The following DST variants were observed in gnomAD, a reference collection of about 807,000 sequenced individuals.
DST encodes the protein bullous pemphigoid antigen.
In DST, 253 loss-of-function variants were observed where a neutral mutation model predicts 875.2. The ratio of observed to expected loss-of-function variants is 0.29; its 90% confidence interval spans 0.26 to 0.32. The LOEUF is 0.32. DST is among the 10% of genes least tolerant of loss of function. The pLI is 1.00. For synonymous variants in DST, 3,124 were observed against 3,197.1 expected (o/e 0.98, Z 0.77); for missense variants, 8,287 against 9,111.6 (o/e 0.91, Z 3.68).
intron 100 of DST, 29 bp downstream of exon 100, chr6:56,464,655 AG>A: frequency 6.8e-7 from 1 of 1,464,928 alleles, no homozygotes; most frequent in Non-Finnish European, 9.4e-7. Context: ...AAAAGGAAAG[AG>A]GGGAGAGGCA....
chr6:56,814,517 G>A (rs930191660), intron 4 of DST, among the ~76,000 whole-genome samples: 4 of 152,140 alleles, frequency 2.6e-5, no homozygotes, highest in African/African-American at 9.7e-5. Flanking sequence ...CTCCTAATAA[G>A]TCTATGACAG....
At chr6:56,775,038 C>A (rs988086392) in intron 4 of DST, among the ~76,000 whole-genome samples, 15 of 150,932 alleles carry the variant, frequency 9.9e-5, no homozygotes, top group Admixed American at 3.3e-4. Flanking sequence ...TCCCTAACAT[C>A]CGGGAGTCTA....
chr6:56,662,233 T>TCAGAAG (rs2099046978), intron 10 of DST, among the ~76,000 whole-genome samples: 1 of 152,090 alleles, frequency 6.6e-6, no homozygotes, highest in African/African-American at 2.4e-5. Context: ...GGCAGACAAT[T>TCAGAAG]CAGAAGTACG....
At chr6:56,838,349 G>A (rs568293916) in intron 4 of DST, among the ~76,000 whole-genome samples, 3 of 152,180 alleles carry the variant, frequency 2.0e-5, no homozygotes, top group South Asian at 2.1e-4. Flanking sequence ...AAGATGCTTT[G>A]GTCAAATATT....
At chr6:56,619,679 G>C in intron 36 of DST, 1 of 1,613,886 alleles carries the variant, frequency 6.2e-7, no homozygotes, top group Non-Finnish European at 8.5e-7. Context: ...GGCTTCTTCA[G>C]CTTTACCTGT....
chr6:56,487,694 G>A (rs1225296520), intron 86 of DST, among the ~76,000 whole-genome samples: 1 of 152,122 alleles, frequency 6.6e-6, no homozygotes, highest in Non-Finnish European at 1.5e-5. Context: ...TTATAGAGCA[G>A]GGACATTGTC....
intron 2 of DST, among the ~76,000 whole-genome samples, chr6:56,912,602 C>T (rs1319029082): frequency 6.6e-6 from 1 of 151,734 alleles, no homozygotes; most frequent in Non-Finnish European, 1.5e-5. Flanking sequence ...ACCAAAACCT[C>T]AGGAGCTTAA....
intron 39 of DST, among the ~76,000 whole-genome samples, chr6:56,609,924 A>G (rs2098530606): frequency 6.6e-6 from 1 of 152,212 alleles, no homozygotes; most frequent in Non-Finnish European, 1.5e-5. Flanking sequence ...GTTGATATAC[A>G]CTGTCAAGTT....
At chr6:56,776,342 C>T (rs923346876) in intron 4 of DST, among the ~76,000 whole-genome samples, 6 of 151,970 alleles carry the variant, frequency 3.9e-5, no homozygotes, top group Non-Finnish European at 8.8e-5. Flanking sequence ...TGTGGTATCC[C>T]GGATAGGATG....
intron 4 of DST, among the ~76,000 whole-genome samples, chr6:56,759,649 G>T (rs1459685262): frequency 6.6e-6 from 1 of 152,038 alleles, no homozygotes; most frequent in Non-Finnish European, 1.5e-5. Context: ...TCAGTCATTT[G>T]CATGCTGCCA....
intron 47 of DST, 89 bp downstream of exon 47, chr6:56,597,651 G>A (rs2098404384): frequency 6.5e-6 from 9 of 1,374,406 alleles, no homozygotes; most frequent in Admixed American, 4.5e-5. Context: ...TGTCAGTAAG[G>A]TTTGAAAAGA....
At chr6:56,913,589 T>G (rs1017136335) in intron 2 of DST, among the ~76,000 whole-genome samples, 1 of 151,508 alleles carries the variant, frequency 6.6e-6, no homozygotes, top group African/African-American at 2.5e-5. Context: ...AATACTGTAC[T>G]TATTATCTGG....
At chr6:56,753,145 G>A (rs2099592796) in intron 4 of DST, among the ~76,000 whole-genome samples, 1 of 152,142 alleles carries the variant, frequency 6.6e-6, no homozygotes, top group South Asian at 2.1e-4. Context: ...TTACGTAGGA[G>A]GCAGTGATAT....
chr6:56,675,199 T>G (rs2099122530), intron 9 of DST, among the ~76,000 whole-genome samples: 1 of 152,082 alleles, frequency 6.6e-6, no homozygotes, highest in Admixed American at 6.6e-5. Context: ...AAACTGGATA[T>G]CCACATAAAG....
intron 49 of DST, among the ~76,000 whole-genome samples, chr6:56,587,328 G>C (rs1005538505): frequency 2.0e-5 from 3 of 152,134 alleles, no homozygotes; most frequent in Non-Finnish European, 4.4e-5. Flanking sequence ...AAGATGAAAC[G>C]AATGAAATGA....
chr6:56,954,525 G>C lies in DST; in HGVS notation c.63C>G (p.Leu21=), dbSNP rs753742061. The change falls in exon 1 of 104, where the codon CTC becomes CTG. Residue 21 remains leucine (L), a synonymous_variant. Coordinates refer to ENST00000680361, the MANE Select transcript of DST (RefSeq NM_001374736.1). ...RPYSIQCALF[L]LLLLLGTIAT... is the part of the protein sequence containing the mutation. Reference sequence around the variant, plus strand: ...CGATGGTGCCCAGCAGAAGCAACAAGAGGAAGAGGGCACATTGGATGCTGT... The same window carrying C: ...CGATGGTGCCCAGCAGAAGCAACAACAGGAAGAGGGCACATTGGATGCTGT... The C allele has an allele frequency of 7.3e-6, 10 of 1,367,404 alleles. No individual in the cohort carries two copies. Among genetic ancestry groups the C allele is most frequent in the Admixed American group, 3.8e-5 (2 of 52,574 alleles). 84.7% of individuals were successfully genotyped at this position (1,367,404 alleles called of 1,614,324 possible).
chr6:56,819,760 A>T (rs1206271380), intron 4 of DST, among the ~76,000 whole-genome samples: 2 of 152,128 alleles, frequency 1.3e-5, no homozygotes, highest in African/African-American at 4.8e-5. Context: ...GTTGCAATGA[A>T]CAAAATGGAC....
At chr6:56,627,356 G>T in intron 33 of DST, 69 bp from the exon 34 acceptor site, 1 of 1,058,984 alleles carries the variant, frequency 9.4e-7, no homozygotes, top group Non-Finnish European at 1.5e-6. Context: ...AAGATGCTCA[G>T]TAACTAAGAC....
chr6:56,619,068 T>C, intron 36 of DST: 1 of 1,614,156 alleles, frequency 6.2e-7, no homozygotes, highest in Non-Finnish European at 8.5e-7. Context: ...AAATTTTGAC[T>C]TTTCGCCAGG....
Sources: gnomAD v4.1 joint callset for allele counts (sites outside exome capture counted in the v4.1 genomes callset) on GRCh38, gnomAD v4.1.1 for gene constraint, MANE v1.5 for transcripts, NCBI Gene and HGNC (gene_info 2026-07-23, HGNC 2026-07-21) for gene names.